PXDNL: variants seen among roughly 807,000 people sequenced by gnomAD.
PXDNL encodes probable oxidoreductase PXDNL.
In PXDNL, 145 loss-of-function variants were observed where a neutral mutation model predicts 150.8. The ratio of observed to expected loss-of-function variants is 0.96; its 90% confidence interval spans 0.84 to 1.10. PXDNL has a LOEUF of 1.10. PXDNL is among the 50% of genes least tolerant of loss of function. The pLI, the probability that PXDNL is intolerant of heterozygous loss-of-function variation, is 0.00. For missense variants in PXDNL, 2,087 were observed against 1,873.9 expected, an observed-to-expected ratio of 1.11 and a Z score of -2.10; for synonymous variants, 757 against 725.7, an observed-to-expected ratio of 1.04 and a Z score of -0.69.
At chr8:51,650,214 A>G (rs1010049030) in intron 2 of PXDNL, among the ~76,000 whole-genome samples, 6 of 152,148 alleles carry the variant, frequency 3.9e-5, no homozygotes, top group African/African-American at 1.4e-4. Context: ...ATATACAGAC[A>G]AAGTCAAGAG....
Position 51,675,811 on chromosome 8 carries a change from A to T in PXDNL, c.165-21051T>A, listed in dbSNP as rs929621901. Reference sequence around the variant, plus strand: ...CCGTCTCAAAAAAAAAAAAAAAAAAATTGCCCAGACTCATAATCTGTTATA... The same window carrying T: ...CCGTCTCAAAAAAAAAAAAAAAAAATTTGCCCAGACTCATAATCTGTTATA... On this transcript the variant is annotated intron_variant, in intron 1 of 22. Transcript: ENST00000356297. 9.9e-4 allele frequency among the ~76,000 whole-genome samples: 149 copies of T among 151,146 alleles called. 1 individual carries two copies. Among genetic ancestry groups the T allele is most frequent in the African/African-American group, 3.4e-3 (141 of 41,258 alleles).
In PXDNL at chr8:51,409,517, T is replaced by G; in HGVS notation, c.2107A>C (p.Ile703Leu). Residue 703 changes from isoleucine to leucine, a missense_variant, in exon 17 of 23, where the codon ATC becomes CTC. Ile to Leu is a conservative substitution (Grantham distance 5). Coordinates refer to ENST00000356297, the MANE Select transcript of PXDNL (RefSeq NM_144651.5). ...GCTGTGCATCCAGATAAATTGGCGA[T>G]GAGGCTGAGGGAGCGCGGGGACACC... ...DLVSPRSLSL[I>L]ANLSGCTARR... 6.2e-7 allele frequency: 1 copy of G among 1,610,404 alleles called. No individual in the cohort carries two copies.
At chr8:51,401,419 G>C (rs1330226292) in intron 17 of PXDNL, among the ~76,000 whole-genome samples, 1 of 152,222 alleles carries the variant, frequency 6.6e-6, no homozygotes, top group Non-Finnish European at 1.5e-5. Context: ...GAAAGCAGCA[G>C]AGACTAGAGA....
At chr8:51,384,405 G>C (rs1410903455) in intron 17 of PXDNL, among the ~76,000 whole-genome samples, 1 of 151,810 alleles carries the variant, frequency 6.6e-6, no homozygotes, top group Non-Finnish European at 1.5e-5. Flanking sequence ...TGGTTAATTT[G>C]TCATTAACAA....
At position 51,415,728 on chromosome 8, in the gene PXDNL, T is replaced by A. The variant is rs1038584082; in HGVS notation, c.1796-2470A>T. Among the ~76,000 whole-genome samples, 37 of 152,138 alleles carry A rather than the reference T, an allele frequency of 2.4e-4. 1 individual carries two copies. Among genetic ancestry groups the A allele is most frequent in the Non-Finnish European group, 2.9e-5 (2 of 68,030 alleles). ...CTTAAAAGATGCTTAAGGTAAAAATTCGAAAACTAGAAAGAGATAACCATA... is the reference window on the plus strand; with the variant it reads ...CTTAAAAGATGCTTAAGGTAAAAATACGAAAACTAGAAAGAGATAACCATA... On this transcript the variant is annotated intron_variant, in intron 14 of 22. Coordinates refer to ENST00000356297, the MANE Select transcript of PXDNL (RefSeq NM_144651.5).
intron 17 of PXDNL, among the ~76,000 whole-genome samples, chr8:51,398,221 C>T (rs755617060): frequency 2.0e-5 from 3 of 152,214 alleles, no homozygotes; most frequent in Non-Finnish European, 4.4e-5. Flanking sequence ...AAATCTCGCC[C>T]ACACTGCACA....
chr8:51,433,069 T>G (rs1809293985), intron 12 of PXDNL, among the ~76,000 whole-genome samples: 1 of 152,002 alleles, frequency 6.6e-6, no homozygotes, highest in Non-Finnish European at 1.5e-5. Context: ...ATTAGCTGGA[T>G]GTGGCAGGGC....
intron 14 of PXDNL, among the ~76,000 whole-genome samples, chr8:51,417,267 A>G (rs1041222282): frequency 6.6e-6 from 1 of 152,242 alleles, no homozygotes; most frequent in African/African-American, 2.4e-5. Context: ...GGTAATAAAA[A>G]TGAGAAAAAG....
At chr8:51,601,326 AG>A (rs1258563156) in intron 2 of PXDNL, among the ~76,000 whole-genome samples, 1 of 151,918 alleles carries the variant, frequency 6.6e-6, no homozygotes, top group Admixed American at 6.6e-5. Flanking sequence ...GGGGTGTTGA[AG>A]TTCATGAATA....
At chr8:51,545,777 A>C (rs1812347913) in intron 4 of PXDNL, among the ~76,000 whole-genome samples, 2 of 152,222 alleles carry the variant, frequency 1.3e-5, no homozygotes, top group Admixed American at 1.3e-4. Flanking sequence ...TTCTTGGTCT[A>C]ATCACCTCTT....
chr8:51,504,411 T>C (rs997711488), intron 4 of PXDNL, among the ~76,000 whole-genome samples: 1 of 152,156 alleles, frequency 6.6e-6, no homozygotes, highest in Non-Finnish European at 1.5e-5. Context: ...CCCAGCCACA[T>C]ACCTGCCATA....
intron 3 of PXDNL, among the ~76,000 whole-genome samples, chr8:51,588,742 G>T (rs7846331): frequency 0.051 from 7,774 of 152,134 alleles, 466 homozygotes; most frequent in African/African-American, 0.15. Context: ...GGAGTTACTC[G>T]TGACATGCCC....
At chr8:51,478,612 C>T (rs1227327401) in intron 6 of PXDNL, among the ~76,000 whole-genome samples, 3 of 152,174 alleles carry the variant, frequency 2.0e-5, no homozygotes, top group Non-Finnish European at 2.9e-5. Flanking sequence ...AACCCAGTGT[C>T]GGGTGATCCT....
At chr8:51,463,087 A>G (rs1244229413) in intron 8 of PXDNL, among the ~76,000 whole-genome samples, 4 of 152,180 alleles carry the variant, frequency 2.6e-5, no homozygotes, top group Admixed American at 2.0e-4. Flanking sequence ...ATGTTAAGAG[A>G]ATTAGTTAAC....
chr8:51,576,838 A>C (rs937984753), intron 3 of PXDNL, among the ~76,000 whole-genome samples: 5 of 151,886 alleles, frequency 3.3e-5, no homozygotes, highest in Non-Finnish European at 5.9e-5. Context: ...TCCTGCAGAC[A>C]TTAAAAGGAT....
chr8:51,669,656 G>A (rs1011713479), intron 1 of PXDNL, among the ~76,000 whole-genome samples: 5 of 152,136 alleles, frequency 3.3e-5, no homozygotes, highest in Admixed American at 3.3e-4. Context: ...AAAGTTAGAT[G>A]GAATTCCTGA....
intron 1 of PXDNL, among the ~76,000 whole-genome samples, chr8:51,661,834 T>A (rs1815276511): frequency 6.7e-6 from 1 of 148,664 alleles, no homozygotes; most frequent in Non-Finnish European, 1.5e-5. Context: ...TGGGGTGATT[T>A]TTTCTTTCTT....
chr8:51,488,198 G>T (rs1401345574), intron 5 of PXDNL, among the ~76,000 whole-genome samples: 1 of 152,162 alleles, frequency 6.6e-6, no homozygotes, highest in Non-Finnish European at 1.5e-5. Context: ...GCAGAATGTG[G>T]AAGTTCACCA....
chr8:51,769,937 C>T (rs2037273616), intron 1 of PXDNL, among the ~76,000 whole-genome samples: 1 of 152,180 alleles, frequency 6.6e-6, no homozygotes, highest in Admixed American at 6.5e-5. Context: ...GAGTGAATGT[C>T]CAATGGGTGA....
Sources: gnomAD v4.1 joint callset for allele counts (sites outside exome capture counted in the v4.1 genomes callset) on GRCh38, gnomAD v4.1.1 for gene constraint, MANE v1.5 for transcripts, NCBI Gene and HGNC (gene_info 2026-07-23, HGNC 2026-07-21) for gene names.